The following TNFRSF8 variants were observed in gnomAD, a reference collection of about 807,000 sequenced individuals.
The protein encoded by TNFRSF8 is tumor necrosis factor receptor superfamily member 8.
Under a neutral mutation model 70.8 loss-of-function variants are expected in TNFRSF8, and 26 were observed. That is an observed-to-expected ratio of 0.37 (90% confidence interval 0.27 to 0.51). The LOEUF is 0.51. Among genes scored for constraint, TNFRSF8 ranks in the 20% least tolerant of loss-of-function variants. The pLI is 0.94. For missense variants in TNFRSF8, 720 were observed against 807.9 expected, an observed-to-expected ratio of 0.89 and a Z score of 1.32; for synonymous variants, 356 against 339.2, an observed-to-expected ratio of 1.05 and a Z score of -0.54.
intron 2 of TNFRSF8, among the ~76,000 whole-genome samples, chr1:12,085,942 C>A (rs972357988): frequency 5.9e-5 from 9 of 152,224 alleles, no homozygotes; most frequent in African/African-American, 2.2e-4. Context: ...CAGCCTTTAG[C>A]TGTGCCAGCA....
In TNFRSF8 at chr1:12,138,240, T is replaced by G. The variant is rs476488; in HGVS notation, c.1347T>G (p.Ser449Arg). The G allele has an allele frequency of 6.2e-7, 1 of 1,611,266 alleles. No individual in the cohort carries two copies. The highest frequency in any genetic ancestry group is 1.1e-5 in the South Asian group (1 of 90,936). Reference sequence around the variant, plus strand: ...TTCCCGTCCCACAGCAGCTGAGGAGTGGTGCGTCGGTGACAGAACCCGTCG... The same window carrying G: ...TTCCCGTCCCACAGCAGCTGAGGAGGGGTGCGTCGGTGACAGAACCCGTCG... ...RPRRSSTQLRSGASVTEPVAE... is the reference protein window; with the variant it reads ...RPRRSSTQLRRGASVTEPVAE... Residue 449 changes from serine (S) to arginine (R), a missense_variant, in exon 14 of 15, where the codon AGT (serine) becomes AGG (arginine). Ser to Arg is a moderately radical substitution (Grantham distance 110). Coordinates refer to ENST00000263932, the MANE Select transcript of TNFRSF8 (RefSeq NM_001243.5). The surrounding 1 kb of genome is among the most constrained non-coding windows in gnomAD (Gnocchi z 5.7).
intron 1 of TNFRSF8, among the ~76,000 whole-genome samples, chr1:12,073,538 C>T (rs1272771739): frequency 6.7e-6 from 1 of 150,018 alleles, no homozygotes; most frequent in Non-Finnish European, 1.5e-5. Context: ...CTTTCCGTTC[C>T]TTTCCCTTTC....
chr1:12,118,870 C>G lies in TNFRSF8; in HGVS notation c.946+3141C>G, dbSNP rs560227817. Among the ~76,000 whole-genome samples, 5 of 152,086 alleles carry G rather than the reference C, an allele frequency of 3.3e-5. No homozygotes were observed. The South Asian group carries it at 6.2e-4, about 19-fold the overall frequency. On this transcript the variant is annotated intron_variant, in intron 8 of 14. Coordinates refer to ENST00000263932, the MANE Select transcript of TNFRSF8 (RefSeq NM_001243.5). ...TGTTTTTTTGTTTGTTTGTTTGTTT[C>G]TTTTCTTTTTTTGAGACAGAGTCTC...
chr1:12,100,153 A>G (rs1185396491), intron 3 of TNFRSF8, among the ~76,000 whole-genome samples: 1 of 152,048 alleles, frequency 6.6e-6, no homozygotes, highest in Non-Finnish European at 1.5e-5. Flanking sequence ...TGGGTGATAG[A>G]GTGAGACACC....
rs1642279205 is a variant in TNFRSF8, at chr1:12,142,713, G to C, written c.*182G>C. 1 of 776,038 alleles carries C rather than the reference G, an allele frequency of 1.3e-6. No individual in the cohort carries two copies. Among genetic ancestry groups the C allele is most frequent in the Admixed American group, 3.0e-5 (1 of 33,888 alleles). The allele number at this position is 776,038 out of a possible 1,614,324, so 48.1% of individuals were successfully genotyped here. A position where few individuals can be genotyped will look rare whatever the true frequency, so the allele number is the denominator to read the frequency against. ...GGTCTCTGCTTGCATCCCCAACTTA[G>C]CTGTCCCCTGACCCAGAGCCTAGGG... On this transcript the variant is annotated 3_prime_UTR_variant, in exon 15 of 15. Transcript: ENST00000263932. The surrounding 1 kb of genome is among the most constrained non-coding windows in gnomAD (Gnocchi z 5.0).
intron 10 of TNFRSF8, among the ~76,000 whole-genome samples, chr1:12,124,067 C>A (rs2101026823): frequency 6.6e-6 from 1 of 152,232 alleles, no homozygotes; most frequent in Non-Finnish European, 1.5e-5. Context: ...GCAGTGGCAC[C>A]CATCTTGGCT....
chr1:12,110,963 G>A lies in TNFRSF8; in HGVS notation c.676+759G>A, dbSNP rs1306507068. Among the ~76,000 whole-genome samples, 1 of 152,100 alleles carries A rather than the reference G, an allele frequency of 6.6e-6. No individual in the cohort carries two copies. The highest frequency in any genetic ancestry group is 2.4e-5 in the African/African-American group (1 of 41,402). On this transcript the variant is annotated intron_variant, in intron 6 of 14. Transcript: ENST00000263932. This position sits in a 1 kb window ranked among gnomAD's most constrained non-coding sequence, Gnocchi z 4.0. ...AGATATGCCGAGCTCTGTTTATCCAGTTTTTGAATATTTGGGTTGTTTCTG... is the reference window on the plus strand; with the variant it reads ...AGATATGCCGAGCTCTGTTTATCCAATTTTTGAATATTTGGGTTGTTTCTG...
At chr1:12,130,845 A>G (rs1258151150) in intron 12 of TNFRSF8, among the ~76,000 whole-genome samples, 1 of 152,270 alleles carries the variant, frequency 6.6e-6, no homozygotes, top group Non-Finnish European at 1.5e-5. Context: ...ACTAGCAGAT[A>G]GAATCAACAT....
Position 12,142,609 on chromosome 1 carries a change from TG to T in TNFRSF8, c.*83del, listed in dbSNP as rs1323263646. ...AGGATGGCACTGTTGGCACCGAGGT[TG>T]GGGGCAGAGGCCCATCTGGCCTGAA... On this transcript the variant is annotated 3_prime_UTR_variant, in exon 15 of 15. Transcript: ENST00000263932. The surrounding 1 kb of genome is among the most constrained non-coding windows in gnomAD (Gnocchi z 5.0). 5 of 1,502,926 alleles carry T rather than the reference TG, an allele frequency of 3.3e-6. No individual in the cohort carries two copies. Among genetic ancestry groups the T allele is most frequent in the African/African-American group, 2.8e-5 (2 of 71,964 alleles). The allele number at this position is 1,502,926 out of a possible 1,614,324, so 93.1% of individuals were successfully genotyped here. A position where few individuals can be genotyped will look rare whatever the true frequency, so the allele number is the denominator to read the frequency against.
rs150906668 is a variant in TNFRSF8, at chr1:12,090,685, A to G, written c.151+6134A>G. Among the ~76,000 whole-genome samples the G allele has an allele frequency of 4.5e-3, 687 of 152,106 alleles. 7 individuals carry two copies. The highest frequency in any genetic ancestry group is 0.016 in the African/African-American group (663 of 41,474). On this transcript the variant is annotated intron_variant, in intron 2 of 14. Transcript: ENST00000263932. ...ATTTGCATTCTATCAGACCCTAGAG[A>G]TTCAACCATGGGGGGGCAGCTATCA...
chr1:12,085,768 C>A (rs1234475876), intron 2 of TNFRSF8, among the ~76,000 whole-genome samples: 3 of 152,152 alleles, frequency 2.0e-5, no homozygotes, highest in African/African-American at 7.2e-5. Context: ...GATGCTTAGG[C>A]CCGAGGAGAT....
intron 1 of TNFRSF8, among the ~76,000 whole-genome samples, chr1:12,083,546 G>A (rs555375332): frequency 6.6e-6 from 1 of 152,148 alleles, no homozygotes; most frequent in Admixed American, 6.6e-5. Flanking sequence ...AACTAGCTGG[G>A]CATGGTGGCA....
At chr1:12,082,522 C>T (rs1641082235) in intron 1 of TNFRSF8, among the ~76,000 whole-genome samples, 1 of 149,836 alleles carries the variant, frequency 6.7e-6, no homozygotes, top group Admixed American at 6.7e-5. Context: ...TGCACTCTAG[C>T]CTGGGCAACA....
intron 1 of TNFRSF8, among the ~76,000 whole-genome samples, chr1:12,070,513 C>G (rs1026856636): frequency 6.6e-6 from 1 of 152,176 alleles, no homozygotes; most frequent in African/African-American, 2.4e-5. Flanking sequence ...TATGTAGAGA[C>G]AGGGTCTCAC....
intron 1 of TNFRSF8, among the ~76,000 whole-genome samples, chr1:12,070,463 C>T (rs557593516): frequency 6.6e-6 from 1 of 152,134 alleles, no homozygotes; most frequent in South Asian, 2.1e-4. Flanking sequence ...ACCGTGTCAG[C>T]CAGGATGGTC....
At position 12,109,858 on chromosome 1, in the gene TNFRSF8, A is replaced by C. The variant is rs1641596057; in HGVS notation, c.513-183A>C. ...GGGTGTGCCCAGCCCTGCCCTGAGC[A>C]CATGGGAGACCCACAGGGCTTAGAA... On this transcript the variant is annotated intron_variant, in intron 5 of 14. Transcript: ENST00000263932. This position sits in a 1 kb window ranked among gnomAD's most constrained non-coding sequence, Gnocchi z 4.4. Among the ~76,000 whole-genome samples, 1 of 152,178 alleles carries C rather than the reference A, an allele frequency of 6.6e-6. No individual in the cohort carries two copies. Among genetic ancestry groups the C allele is most frequent in the Non-Finnish European group, 1.5e-5 (1 of 68,026 alleles).
chr1:12,142,701 A>G lies in TNFRSF8; in HGVS notation c.*170A>G. On this transcript the variant is annotated 3_prime_UTR_variant, in exon 15 of 15. Transcript: ENST00000263932. The surrounding 1 kb of genome is among the most constrained non-coding windows in gnomAD (Gnocchi z 5.0). ...CAGGGGTCTGGTGGTCTCTGCTTGC[A>G]TCCCCAACTTAGCTGTCCCCTGACC... 1 of 888,494 alleles carries G rather than the reference A, an allele frequency of 1.1e-6. No individual in the cohort carries two copies. Among genetic ancestry groups the G allele is most frequent in the Non-Finnish European group, 1.7e-6 (1 of 601,912 alleles). The allele number at this position is 888,494 out of a possible 1,614,324, so 55.0% of individuals were successfully genotyped here.
intron 4 of TNFRSF8, 75 bp downstream of exon 4, chr1:12,104,606 C>G: frequency 6.4e-7 from 1 of 1,567,500 alleles, no homozygotes; most frequent in Non-Finnish European, 8.7e-7. Flanking sequence ...CCCCAGTGCA[C>G]TGTTGACTTC....
chr1:12,104,351 C>T, intron 3 of TNFRSF8, 28 bp from the exon 4 acceptor site: 1 of 1,613,938 alleles, frequency 6.2e-7, no homozygotes, highest in East Asian at 2.2e-5. Flanking sequence ...TTCTGTTCCC[C>T]TCTGTGACCC....
Sources: allele counts gnomAD v4.1 joint callset (sites outside exome capture counted in the v4.1 genomes callset), GRCh38; gene constraint gnomAD v4.1.1; non-coding constraint Gnocchi (gnomAD v3.1); transcripts MANE v1.5; gene names NCBI Gene and HGNC (gene_info 2026-07-23, HGNC 2026-07-21).